SPTAN1: variants seen among roughly 807,000 people sequenced by gnomAD.
SPTAN1 encodes the protein spectrin alpha chain, non-erythrocytic 1.
A neutral mutation model predicts 331.3 loss-of-function variants in SPTAN1; 61 were observed. That is an observed-to-expected ratio of 0.18 (90% CI 0.15 to 0.23). The LOEUF (loss-of-function observed/expected upper bound fraction) is 0.23. Among genes scored for constraint, SPTAN1 ranks in the 10% least tolerant of loss-of-function variants. SPTAN1 has a pLI of 1.00. For synonymous variants in SPTAN1, 1,153 were observed against 1,173.9 expected (o/e 0.98, Z 0.36); for missense variants, 2,043 against 3,147.9 (o/e 0.65, Z 8.40).
chr9:128,632,033 C>A, intron 52 of SPTAN1, 94 bp from the exon 53 acceptor site: 1 of 1,356,336 alleles, frequency 7.4e-7, no homozygotes, highest in Non-Finnish European at 1.0e-6. Flanking sequence ...TCAGGCCAGG[C>A]CTGGAGCAGG....
chr9:128,575,048 G>T, intron 4 of SPTAN1, 151 bp from the exon 5 acceptor site: 1 of 1,276,318 alleles, frequency 7.8e-7, no homozygotes, highest in Non-Finnish European at 1.1e-6. Flanking sequence ...TTAACTTTCT[G>T]TGGGAGGAAC....
In SPTAN1 at chr9:128,628,362, T is replaced by C. The variant is rs189082273; in HGVS notation, c.6707+420T>C. Reference sequence around the variant, plus strand: ...TGAAGCAGATGGCAGTGCTGGGGGCTCAGGCAGGGTACAGTAAGTCCACAG... The same window carrying C: ...TGAAGCAGATGGCAGTGCTGGGGGCCCAGGCAGGGTACAGTAAGTCCACAG... On this transcript the variant is annotated intron_variant, in intron 51 of 56. Coordinates refer to ENST00000372739, the MANE Select transcript of SPTAN1 (RefSeq NM_001130438.3). 854 of 372,292 alleles carry C rather than the reference T, an allele frequency of 2.3e-3. 6 individuals carry two copies. The highest frequency in any genetic ancestry group is 0.017 in the African/African-American group (790 of 47,364). The allele number at this position is 372,292 out of a possible 1,614,324, so 23.1% of individuals were successfully genotyped here.
intron 4 of SPTAN1, 62 bp downstream of exon 4, chr9:128,574,877 G>A (rs1483508276): frequency 1.2e-6 from 2 of 1,608,422 alleles, no homozygotes; most frequent in East Asian, 2.2e-5. Flanking sequence ...AGACTCCTCT[G>A]TGATCTGTAG....
At chr9:128,604,613 G>C (rs916449868) in intron 29 of SPTAN1, among the ~76,000 whole-genome samples, 196 bp downstream of exon 29, 2 of 152,196 alleles carry the variant, frequency 1.3e-5, no homozygotes, top group African/African-American at 2.4e-5. Context: ...GGTAGCCACA[G>C]ACAAATATAC....
intron 10 of SPTAN1, 150 bp from the exon 11 acceptor site, chr9:128,580,772 C>G (rs779878893): frequency 2.0e-6 from 2 of 992,408 alleles, no homozygotes; most frequent in Non-Finnish European, 3.1e-6. Context: ...CATGCACATA[C>G]AAGTGAATGT....
In SPTAN1 at chr9:128,617,641, GAGA is replaced by G; in HGVS notation, c.5365_5367del (p.Lys1789del). On this transcript the variant is annotated inframe_deletion and splice_region_variant, in exon 42 of 57. Coordinates refer to ENST00000372739, the MANE Select transcript of SPTAN1 (RefSeq NM_001130438.3). ...TGCTGTTTCCCATCTCTCATTCAGG[GAGA>G]AGAAGCTGCTGGTGGGCTCAGAGGA... 6.2e-7 allele frequency: 1 copy of G among 1,614,170 alleles called. No homozygotes were observed. The highest frequency in any genetic ancestry group is 1.3e-5 in the African/African-American group (1 of 75,054).
At chr9:128,631,925 A>C in intron 52 of SPTAN1, 1 of 608,720 alleles carries the variant, frequency 1.6e-6, no homozygotes, top group Non-Finnish European at 2.9e-6. Flanking sequence ...TGGAACCCTC[A>C]CATTGAAAGT....
In SPTAN1 at chr9:128,608,958, C is replaced by T. The variant is rs796053317; in HGVS notation, c.4576C>T (p.Arg1526Cys). ...TGCCAAGGGAGACATTTCTAGCCGGCGCAATGAGGTCTTGGACAGGTGGGT... is the reference window on the plus strand; with the variant it reads ...TGCCAAGGGAGACATTTCTAGCCGGTGCAATGAGGTCTTGGACAGGTGGGT... ...HYAKGDISSR[R>C]NEVLDRWRRL... The change falls in exon 35 of 57, where the codon CGC becomes TGC. Residue 1526 changes from arginine to cysteine, a missense_variant. Transcript: ENST00000372739. 12 of 1,614,050 alleles carry T rather than the reference C, an allele frequency of 7.4e-6. No homozygotes were observed. The highest frequency in any genetic ancestry group is 6.7e-5 in the East Asian group (3 of 44,898).
intron 31 of SPTAN1, among the ~76,000 whole-genome samples, chr9:128,606,483 A>AT (rs1589303016): frequency 5.1e-5 from 1 of 19,654 alleles, no homozygotes; most frequent in South Asian, 2.4e-3. Context: ...ATATATATAT[A>AT]TATATTTTTT....
intron 34 of SPTAN1, 28 bp downstream of exon 34, chr9:128,608,304 G>A (rs1480981131): frequency 1.2e-6 from 2 of 1,613,736 alleles, no homozygotes; most frequent in Admixed American, 3.3e-5. Context: ...TGGAGTTGGA[G>A]TCTGGATTTT....
At position 128,617,748 on chromosome 9, in the gene SPTAN1, G is replaced by A; in HGVS notation, c.5466G>A (p.Glu1822=). 3 of 1,614,084 alleles carry A rather than the reference G, an allele frequency of 1.9e-6. No homozygotes were observed. Among genetic ancestry groups the A allele is most frequent in the Non-Finnish European group, 2.5e-6 (3 of 1,180,016 alleles). The change falls in exon 42 of 57, where the codon GAG becomes GAA. Residue 1822 remains glutamate, a synonymous_variant. Transcript: ENST00000372739. The part of the protein sequence containing the change: ...KRLEAELAAH[E]PAIQGVLDTG... ...TGGAAGCAGAACTGGCTGCGCATGA[G>A]CCGGCTATTCAGGTAAGGAGGCCGC...
chr9:128,617,489 G>A (rs1260844806), intron 41 of SPTAN1, 151 bp from the exon 42 acceptor site: 2 of 1,085,220 alleles, frequency 1.8e-6, no homozygotes, highest in African/African-American at 1.6e-5. Flanking sequence ...TACTCATTTG[G>A]GAAGTAGAGG....
At chr9:128,604,027 T>C (rs1455864233) in intron 28 of SPTAN1, among the ~76,000 whole-genome samples, 1 of 152,334 alleles carries the variant, frequency 6.6e-6, no homozygotes, top group Non-Finnish European at 1.5e-5. Context: ...AAGCAGTTGC[T>C]ACCTGCCAGG....
At chr9:128,620,115 C>G (rs538053471) in intron 44 of SPTAN1, among the ~76,000 whole-genome samples, 2 of 152,342 alleles carry the variant, frequency 1.3e-5, no homozygotes, top group South Asian at 4.1e-4. Context: ...TCACTGCCTT[C>G]TGGCCAAAGC....
intron 52 of SPTAN1, 65 bp downstream of exon 52, chr9:128,630,440 T>G (rs1226903014): frequency 2.6e-6 from 4 of 1,539,014 alleles, no homozygotes; most frequent in Non-Finnish European, 2.7e-6. Flanking sequence ...AGGGTACCCC[T>G]TCCCTTCCTG....
chr9:128,611,984 G>C (rs1856622302), intron 38 of SPTAN1, 125 bp from the exon 39 acceptor site: 4 of 1,600,556 alleles, frequency 2.5e-6, no homozygotes, highest in African/African-American at 2.7e-5. Context: ...GATGGGGAAT[G>C]CTAGTGAGAA....
In SPTAN1 at chr9:128,605,449, G is replaced by A. The variant is rs557241146; in HGVS notation, c.4018G>A (p.Asp1340Asn). 15 of 1,614,156 alleles carry A rather than the reference G, an allele frequency of 9.3e-6. No individual in the cohort carries two copies. In the South Asian group the frequency reaches 1.4e-4, roughly 15 times the overall value. ...QRKAKLGDSH[D>N]LQRFLSDFRD... Reference sequence around the variant, plus strand: ...CAAGGCAAAGTTGGGTGACTCCCACGACCTGCAGCGCTTCCTTAGCGATTT... The same window carrying A: ...CAAGGCAAAGTTGGGTGACTCCCACAACCTGCAGCGCTTCCTTAGCGATTT... The change falls in exon 31 of 57, where the codon GAC becomes AAC. Residue 1340 changes from aspartate to asparagine, a missense_variant. By Grantham distance (23) the Asp-to-Asn change is conservative. Transcript: ENST00000372739.
intron 51 of SPTAN1, 154 bp from the exon 52 acceptor site, chr9:128,630,167 G>A: frequency 1.2e-6 from 1 of 825,782 alleles, no homozygotes; most frequent in Non-Finnish European, 2.1e-6. Context: ...GATCCCTGGG[G>A]CCCATTAGGT....
intron 29 of SPTAN1, among the ~76,000 whole-genome samples, 181 bp from the exon 30 acceptor site, chr9:128,604,853 C>G (rs558897278): frequency 1.3e-5 from 2 of 152,216 alleles, no homozygotes; most frequent in South Asian, 2.1e-4. Flanking sequence ...ATCACTTGAA[C>G]CCGGTGGGGG....
Sources: allele counts gnomAD v4.1 joint callset (sites outside exome capture counted in the v4.1 genomes callset), GRCh38; gene constraint gnomAD v4.1.1; transcripts MANE v1.5; gene names NCBI Gene and HGNC (gene_info 2026-07-23, HGNC 2026-07-21).